The following ADGRB2 variants were observed in gnomAD, a reference collection of about 807,000 sequenced individuals.
ADGRB2 encodes brain-specific angiogenesis inhibitor 2.
ADGRB2 carries 47 observed loss-of-function variants against 178.7 expected under a neutral mutation model. The ratio of observed to expected loss-of-function variants is 0.26; its 90% CI spans 0.21 to 0.34. The LOEUF (loss-of-function observed/expected upper bound fraction) is 0.34. Ranked by LOEUF, ADGRB2 falls within the 10% of genes least tolerant of loss-of-function variation. ADGRB2 has a pLI of 1.00. For missense variants in ADGRB2, 1,584 were observed against 2,180.8 expected, an observed-to-expected ratio of 0.73 and a Z score of 5.45; for synonymous variants, 870 against 912.4, an observed-to-expected ratio of 0.95 and a Z score of 0.84.
chr1:31,744,750 G>A lies in ADGRB2; in HGVS notation c.839-19C>T. 1.2e-6 allele frequency: 2 copies of A among 1,613,648 alleles called. No homozygotes were observed. The highest frequency in any genetic ancestry group is 1.7e-6 in the Non-Finnish European group (2 of 1,179,560). On this transcript the variant is annotated intron_variant, in intron 4 of 32. Transcript: ENST00000373658. This position sits in a 1 kb window ranked among gnomAD's most constrained non-coding sequence, Gnocchi z 6.7. ...TCCTCACCTGGAACACGGAGGTGGTGGCAGGGGCTCAGCAAAGGCCAGCTA... is the reference window on the plus strand; with the variant it reads ...TCCTCACCTGGAACACGGAGGTGGTAGCAGGGGCTCAGCAAAGGCCAGCTA...
At chr1:31,742,653 G>C (rs1408711579) in intron 7 of ADGRB2, among the ~76,000 whole-genome samples, 185 bp downstream of exon 7, 2 of 152,110 alleles carry the variant, frequency 1.3e-5, no homozygotes, top group Non-Finnish European at 2.9e-5. Flanking sequence ...TCAGGGCTAG[G>C]GGTCAAGTCA....
In ADGRB2 at chr1:31,754,499, A is replaced by G. The variant is rs1056464931; in HGVS notation, c.838+1500T>C. ...CGTTCTCCGCCGATGTTCAACAAAG[A>G]AGCAAAATTCAATTTCTTCCTACAG... On this transcript the variant is annotated intron_variant, in intron 4 of 32. Coordinates refer to ENST00000373658, the MANE Select transcript of ADGRB2 (RefSeq NM_001364857.2). The surrounding 1 kb of genome is among the most constrained non-coding windows in gnomAD (Gnocchi z 5.7). Among the ~76,000 whole-genome samples, 1 of 152,258 alleles carries G rather than the reference A, an allele frequency of 6.6e-6. No homozygotes were observed. Among genetic ancestry groups the G allele is most frequent in the Admixed American group, 6.5e-5 (1 of 15,284 alleles).
Position 31,740,454 on chromosome 1 carries a change from G to A in ADGRB2, c.1882C>T (p.Arg628Trp), listed in dbSNP as rs746636296. ...AGGTCCCCACTATAGTAGGTGCGCC[G>A]GGCCAGTAGCTCCTGCAGGCTGCGC... ...VVRSLQELLA[R>W]RTYYSGDLLF... Residue 628 changes from arginine to tryptophan, a missense_variant, in exon 12 of 33, where the codon CGG becomes TGG. Around this residue, in one of 3 missense-constraint regions of ADGRB2, gnomAD observed 62 missense variants for 140.3 expected, o/e 0.44. Transcript: ENST00000373658. This position sits in a 1 kb window ranked among gnomAD's most constrained non-coding sequence, Gnocchi z 5.9. The A allele has an allele frequency of 5.6e-6, 9 of 1,613,730 alleles. No homozygotes were observed. The highest frequency in any genetic ancestry group is 6.8e-6 in the Non-Finnish European group (8 of 1,179,924).
At chr1:31,743,900 T>C (rs893695641) in intron 6 of ADGRB2, among the ~76,000 whole-genome samples, 4 of 152,208 alleles carry the variant, frequency 2.6e-5, no homozygotes, top group Non-Finnish European at 5.9e-5. Context: ...GCTACTGATA[T>C]GGCCAGAGCG....
rs370267169 is a variant in ADGRB2 at position 31,732,531 on chromosome 1, G to T, written c.3706C>A (p.Gln1236Lys). The T allele has an allele frequency of 9.2e-5, 149 of 1,614,066 alleles. No homozygotes were observed. Among genetic ancestry groups the T allele is most frequent in the Non-Finnish European group, 1.2e-4 (144 of 1,180,036 alleles). The change falls in exon 27 of 33, where the codon CAG (glutamine) becomes AAG (lysine). Residue 1236 changes from glutamine to lysine, a missense_variant. Around this residue, in one of 3 missense-constraint regions of ADGRB2, gnomAD observed 865 missense variants for 1,192.8 expected, o/e 0.73. Transcript: ENST00000373658. ...CCCTAACTCACCAGGATCTGCAGCT[G>T]CCCGTTCTTACACGAGTCAGGGGAG... is the stretch of plus-strand genomic sequence containing the variant. ...EDSPDSCKNG[Q>K]LQILSDFEKD...
Position 31,727,619 on chromosome 1 carries a change from G to T in ADGRB2, c.4573-14C>A. The T allele has an allele frequency of 6.7e-7, 1 of 1,498,944 alleles. No individual in the cohort carries two copies. The highest frequency in any genetic ancestry group is 1.4e-5 in the South Asian group (1 of 71,584). The allele number at this position is 1,498,944 out of a possible 1,614,324, so 92.9% of individuals were successfully genotyped here. A position where few individuals can be genotyped will look rare whatever the true frequency, so the allele number is the denominator to read the frequency against. ...GCTGGGCTTATCCTGTGGAGGGAGC[G>T]GGAGGGGCCGTGGAGATGGGCCAAT... On this transcript the variant is annotated splice_polypyrimidine_tract_variant and intron_variant, in intron 32 of 32. Coordinates refer to ENST00000373658, the MANE Select transcript of ADGRB2 (RefSeq NM_001364857.2). This position sits in a 1 kb window ranked among gnomAD's most constrained non-coding sequence, Gnocchi z 4.4.
intron 29 of ADGRB2, 39 bp downstream of exon 29, chr1:31,730,761 C>G (rs1315650109): frequency 2.8e-6 from 4 of 1,419,550 alleles, no homozygotes; most frequent in Middle Eastern, 2.7e-4. Context: ...GTGATTGACA[C>G]AGTCTCAGAC....
In ADGRB2 at chr1:31,730,938, A is replaced by G. The variant is rs1223249897; in HGVS notation, c.4242T>C (p.Ser1414=). 1 of 1,574,934 alleles carries G rather than the reference A, an allele frequency of 6.3e-7. No homozygotes were observed. The highest frequency in any genetic ancestry group is 1.4e-5 in the African/African-American group (1 of 73,856). ...AGGTCATTCCATAGGGATTCTGGAG[A>G]GATCCATAGGCAGGGCCCAGCCCCA... is the stretch of plus-strand genomic sequence containing the variant. The part of the protein sequence containing the change: ...SGLGLGPAYG[S]LQNPYGMTFQ... Residue 1414 remains serine, a synonymous_variant, in exon 29 of 33, where the codon TCT becomes TCC. Coordinates refer to ENST00000373658, the MANE Select transcript of ADGRB2 (RefSeq NM_001364857.2).
At chr1:31,745,665 G>T (rs1646235173) in intron 4 of ADGRB2, among the ~76,000 whole-genome samples, 1 of 152,192 alleles carries the variant, frequency 6.6e-6, no homozygotes, top group Non-Finnish European at 1.5e-5. Context: ...AGCCTTTGAG[G>T]ATGGGCTCAC....
chr1:31,731,171 G>C lies in ADGRB2; in HGVS notation c.4009C>G (p.Leu1337Val). 17 of 1,598,848 alleles carry C rather than the reference G, an allele frequency of 1.1e-5. No homozygotes were observed. The highest frequency in any genetic ancestry group is 1.4e-5 in the Non-Finnish European group (17 of 1,173,372). Residue 1337 changes from leucine to valine, a missense_variant, in exon 29 of 33, where the codon CTC becomes GTC. Physicochemically the swap from Leu to Val is conservative, Grantham distance 32. Around this residue, in one of 3 missense-constraint regions of ADGRB2, gnomAD observed 865 missense variants for 1,192.8 expected, o/e 0.73. Coordinates refer to ENST00000373658, the MANE Select transcript of ADGRB2 (RefSeq NM_001364857.2). ...CGEGGLRQLDLTWLRPTEPGS... is the reference protein window; with the variant it reads ...CGEGGLRQLDVTWLRPTEPGS... ...GGCTCAGTGGGCCGCAGCCATGTGA[G>C]GTCCAGCTGCCGCAGGCCACCCTCC...
At position 31,743,106 on chromosome 1, in the gene ADGRB2, T is replaced by C; in HGVS notation, c.1088-104A>G. 6.4e-6 allele frequency: 8 copies of C among 1,247,504 alleles called. No homozygotes were observed. The South Asian group carries it at 1.3e-4, about 21-fold the overall frequency. 77.3% of individuals were successfully genotyped at this position (1,247,504 alleles called of 1,614,324 possible). On this transcript the variant is annotated intron_variant, in intron 6 of 32. Coordinates refer to ENST00000373658, the MANE Select transcript of ADGRB2 (RefSeq NM_001364857.2). The stretch of plus-strand genomic sequence containing the variant: ...ATCAGGAGCTCCGCAGCTCTGCGGC[T>C]GCTCCTCATTGGCTCTGCCCCGGGA...
Position 31,734,738 on chromosome 1 carries a change from A to G in ADGRB2, c.3452+445T>C, listed in dbSNP as rs138112355. On this transcript the variant is annotated intron_variant, in intron 25 of 32. Transcript: ENST00000373658. ...TGAGATTCAATGCCTCTGAAATGCTAAGTCTCAGATTCTATGACAGATGAT... is the reference window on the plus strand; with the variant it reads ...TGAGATTCAATGCCTCTGAAATGCTGAGTCTCAGATTCTATGACAGATGAT... Among the ~76,000 whole-genome samples, 1,188 of 152,344 alleles carry G rather than the reference A, an allele frequency of 7.8e-3. 13 individuals carry two copies. Among genetic ancestry groups the G allele is most frequent in the African/African-American group, 0.027 (1,141 of 41,566 alleles).
rs1002656717 is a variant in ADGRB2, at chr1:31,759,221, T to C, written c.-190-1710A>G. On this transcript the variant is annotated intron_variant, in intron 1 of 32. Transcript: ENST00000373658. The surrounding 1 kb of genome is among the most constrained non-coding windows in gnomAD (Gnocchi z 4.3). ...AGGTGAAACCCACAGATTCATGCTG[T>C]CACACACACTCAGGAGTTAACACGC... The C allele has an allele frequency of 9.2e-6, 7 of 759,264 alleles. No homozygotes were observed. In the Admixed American group the frequency reaches 1.0e-4, roughly 11 times the overall value. 47.0% of individuals were successfully genotyped at this position (759,264 alleles called of 1,614,324 possible). A position where few individuals can be genotyped will look rare whatever the true frequency, so the allele number is the denominator to read the frequency against.
Position 31,728,207 on chromosome 1 carries a change from C to G in ADGRB2, c.4490G>C (p.Arg1497Pro), listed in dbSNP as rs779141200. ...ELNQKFHTFD[R>P]YRSQSTAKRE... ...CTTGGCCGTGGACTGGCTGCGGTAG[C>G]GGTCGAAAGTGTGGAACTTCTGGTT... The change falls in exon 31 of 33, where the codon CGC becomes CCC. Residue 1497 changes from arginine (R) to proline (P), a missense_variant. Coordinates refer to ENST00000373658, the MANE Select transcript of ADGRB2 (RefSeq NM_001364857.2). This position sits in a 1 kb window ranked among gnomAD's most constrained non-coding sequence, Gnocchi z 6.7. The G allele has an allele frequency of 6.2e-7, 1 of 1,614,180 alleles. No homozygotes were observed. Among genetic ancestry groups the G allele is most frequent in the Non-Finnish European group, 8.5e-7 (1 of 1,180,024 alleles).
chr1:31,749,949 G>GGAAA (rs557365713), intron 4 of ADGRB2, among the ~76,000 whole-genome samples: 299 of 150,868 alleles, frequency 2.0e-3, no homozygotes, highest in African/African-American at 6.9e-3. Context: ...AAGAAAGAAA[G>GGAAA]GAAAGAAAGA....
Position 31,756,474 on chromosome 1 carries a change from C to T in ADGRB2, c.363G>A (p.Ala121=), listed in dbSNP as rs150721064. ...RPSPEEAVAQ[A]ESEVGRPEEE... The stretch of plus-strand genomic sequence containing the variant: ...CTTCTGGCCGCCCCACCTCTGACTC[C>T]GCCTGGGCCACCGCCTCCTCGGGGC... Residue 121 remains alanine (A), a synonymous_variant, in exon 4 of 33, where the codon GCG becomes GCA. Coordinates refer to ENST00000373658, the MANE Select transcript of ADGRB2 (RefSeq NM_001364857.2). This position sits in a 1 kb window ranked among gnomAD's most constrained non-coding sequence, Gnocchi z 8.5. 415 of 1,611,370 alleles carry T rather than the reference C, an allele frequency of 2.6e-4. No homozygotes were observed. The African/African-American group carries it at 4.8e-3, about 19-fold the overall frequency.
At position 31,756,552 on chromosome 1, in the gene ADGRB2, G is replaced by C; in HGVS notation, c.285C>G (p.Pro95=). 1 of 1,613,308 alleles carries C rather than the reference G, an allele frequency of 6.2e-7. No homozygotes were observed. Among genetic ancestry groups the C allele is most frequent in the Non-Finnish European group, 8.5e-7 (1 of 1,179,618 alleles). Residue 95 remains proline, a synonymous_variant, in exon 4 of 33, where the codon CCC becomes CCG. Transcript: ENST00000373658. The surrounding 1 kb of genome is among the most constrained non-coding windows in gnomAD (Gnocchi z 8.5). ...GGTAGTGGTCCAGGGGCAGCAGGCG[G>C]GGGGCAAAGTGTGCGCACACCTGCT... ...RQEQVCAHFA[P]RLLPLDHYLV...
Position 31,728,583 on chromosome 1 carries a change from A to C in ADGRB2, c.4416+15T>G. ...AGCCAGATGTCCCACCGCCCAGCAC[A>C]CACATGGCCCTTACCTCAAAGTCCA... is the stretch of plus-strand genomic sequence containing the variant. On this transcript the variant is annotated intron_variant, in intron 30 of 32. Transcript: ENST00000373658. The surrounding 1 kb of genome is among the most constrained non-coding windows in gnomAD (Gnocchi z 6.7). The C allele has an allele frequency of 4.3e-6, 7 of 1,614,086 alleles. No individual in the cohort carries two copies. Among genetic ancestry groups the C allele is most frequent in the Non-Finnish European group, 5.9e-6 (7 of 1,179,978 alleles).
At chr1:31,750,809 G>C (rs545903716) in intron 4 of ADGRB2, among the ~76,000 whole-genome samples, 1 of 152,096 alleles carries the variant, frequency 6.6e-6, no homozygotes, top group East Asian at 1.9e-4. Context: ...AAAGGCACAG[G>C]CTCTACCCCT....
Sources: gnomAD v4.1 joint callset for allele counts (sites outside exome capture counted in the v4.1 genomes callset) on GRCh38, gnomAD v4.1.1 for gene constraint, gnomAD v4.1.1 regional missense constraint, Gnocchi (gnomAD v3.1) non-coding constraint, MANE v1.5 for transcripts, NCBI Gene and HGNC (gene_info 2026-07-23, HGNC 2026-07-21) for gene names.